CDH4: variants seen among roughly 807,000 people sequenced by gnomAD.
CDH4 encodes the protein cadherin-4.
In CDH4, 33 loss-of-function variants were observed where a neutral mutation model predicts 86.0. The observed-to-expected ratio is 0.38, with a 90% CI of 0.29 to 0.51. The LOEUF is 0.51. CDH4 is among the 20% of genes least tolerant of loss of function. The pLI is 0.86. For synonymous variants in CDH4, 555 were observed against 549.4 expected, an observed-to-expected ratio of 1.01 and a Z score of -0.14; for missense variants, 1,114 against 1,307.4, an observed-to-expected ratio of 0.85 and a Z score of 2.28.
chr20:61,843,318 C>T (rs1302261344), intron 4 of CDH4, among the ~76,000 whole-genome samples: 3 of 151,408 alleles, frequency 2.0e-5, no homozygotes, highest in Non-Finnish European at 2.9e-5. Flanking sequence ...GGCGCGGTGG[C>T]GGGCGCCTGT....
chr20:61,641,213 A>G (rs28698108), intron 2 of CDH4, among the ~76,000 whole-genome samples: 94,384 of 151,682 alleles, frequency 0.62, 29,799 homozygotes, highest in African/African-American at 0.73. Context: ...CGATGTAGCT[A>G]TGTGCCAGTG....
chr20:61,852,707 TG>T, intron 5 of CDH4, 46 bp from the exon 6 acceptor site: 3 of 1,584,626 alleles, frequency 1.9e-6, no homozygotes, highest in East Asian at 2.3e-5. Context: ...CTCAGCTGAG[TG>T]GGGGTGCCCA....
chr20:61,892,142 C>T (rs1984852267), intron 7 of CDH4, among the ~76,000 whole-genome samples: 1 of 152,234 alleles, frequency 6.6e-6, no homozygotes, highest in South Asian at 2.1e-4. Flanking sequence ...TGCGCAGATT[C>T]AGCCCACAGG....
intron 2 of CDH4, among the ~76,000 whole-genome samples, chr20:61,323,723 G>T (rs1048126717): frequency 6.6e-6 from 1 of 152,158 alleles, no homozygotes; most frequent in Non-Finnish European, 1.5e-5. Context: ...CTGTGGCTAT[G>T]CAGGAACACT....
intron 2 of CDH4, among the ~76,000 whole-genome samples, chr20:61,707,140 G>A (rs973773887): frequency 9.9e-5 from 15 of 152,240 alleles, no homozygotes; most frequent in Non-Finnish European, 1.3e-4. Flanking sequence ...ACAGAGTGCC[G>A]GGGTCCCCAT....
At chr20:61,721,251 A>G (rs1003342062) in intron 2 of CDH4, among the ~76,000 whole-genome samples, 4 of 152,240 alleles carry the variant, frequency 2.6e-5, no homozygotes, top group Admixed American at 6.5e-5. Context: ...AGGAAAGCCC[A>G]GAGCTTTCTT....
At position 61,910,435 on chromosome 20, in the gene CDH4, T is replaced by C. The variant is rs765357196; in HGVS notation, c.1202T>C (p.Val401Ala). Residue 401 changes from valine to alanine, a missense_variant, in exon 9 of 16, where the codon GTC becomes GCC. By Grantham distance (64) the Val-to-Ala change is moderately conservative (BLOSUM62 0). Transcript: ENST00000614565. ...EFTASTFAGEVPENRVETVVA... is the reference protein window; with the variant it reads ...EFTASTFAGEAPENRVETVVA... ...TCCATTTTGCAGTTTGCAGGGGAGG[T>C]CCCCGAAAACCGCGTGGAGACCGTG... is the stretch of plus-strand genomic sequence containing the variant. The C allele has an allele frequency of 1.2e-6, 2 of 1,612,736 alleles. No homozygotes were observed. The highest frequency in any genetic ancestry group is 1.1e-5 in the South Asian group (1 of 91,056).
chr20:61,628,428 CTCATTCAT>C (rs144320103), intron 2 of CDH4, among the ~76,000 whole-genome samples: 18 of 152,208 alleles, frequency 1.2e-4, no homozygotes, highest in East Asian at 5.8e-4. Context: ...GGTTTGCCAG[CTCATTCAT>C]TCATTCATTC....
At chr20:61,449,613 A>G (rs947287554) in intron 2 of CDH4, among the ~76,000 whole-genome samples, 4 of 152,198 alleles carry the variant, frequency 2.6e-5, no homozygotes, top group African/African-American at 9.7e-5. Flanking sequence ...AGATCATTTT[A>G]ACAGTAGTGT....
chr20:61,641,991 G>A (rs574133257), intron 2 of CDH4, among the ~76,000 whole-genome samples: 8 of 22,704 alleles, frequency 3.5e-4, no homozygotes, highest in Non-Finnish European at 7.4e-4. Context: ...GGGATCAGAC[G>A]GGGCTGCCTG....
At chr20:61,796,847 A>T (rs1050887911) in intron 4 of CDH4, among the ~76,000 whole-genome samples, 41 of 152,216 alleles carry the variant, frequency 2.7e-4, no homozygotes, top group Admixed American at 2.4e-3. Flanking sequence ...CCGAGCAGAA[A>T]CCGTTTCCAG....
intron 7 of CDH4, among the ~76,000 whole-genome samples, chr20:61,894,344 C>T (rs148243339): frequency 2.8e-4 from 43 of 152,318 alleles, no homozygotes; most frequent in African/African-American, 9.6e-4. Flanking sequence ...CTCACACCTG[C>T]GCCTGCACGG....
At position 61,713,705 on chromosome 20, in the gene CDH4, G is replaced by T. The variant is rs558175343; in HGVS notation, c.170-29858G>T. On this transcript the variant is annotated intron_variant, in intron 2 of 15. Coordinates refer to ENST00000614565, the MANE Select transcript of CDH4 (RefSeq NM_001794.5). ...GCCCTGCTGTATCATATGAGCCTCC[G>T]TTTCCCCATGTGAGCAGCGAGGGAG... Among the ~76,000 whole-genome samples the T allele has an allele frequency of 4.6e-5, 7 of 152,336 alleles. No individual in the cohort carries two copies. In the East Asian group the frequency reaches 1.4e-3, roughly 29 times the overall value.
rs554874952 is a variant in CDH4, at chr20:61,608,442, A to G, written c.170-135121A>G. Among the ~76,000 whole-genome samples, 11 of 152,324 alleles carry G rather than the reference A, an allele frequency of 7.2e-5. No homozygotes were observed. The East Asian group carries it at 1.9e-3, about 27-fold the overall frequency. On this transcript the variant is annotated intron_variant, in intron 2 of 15. Coordinates refer to ENST00000614565, the MANE Select transcript of CDH4 (RefSeq NM_001794.5). ...ACTGCTACGACCCCAGCACGTGTCC[A>G]GCAGCACCTGGCCCTGCAGCCTAGA... is the stretch of plus-strand genomic sequence containing the variant.
intron 2 of CDH4, among the ~76,000 whole-genome samples, chr20:61,317,069 C>G (rs2084480611): frequency 1.3e-5 from 2 of 150,418 alleles, no homozygotes; most frequent in South Asian, 4.2e-4. Context: ...ATTTAGAAAT[C>G]TGAATACCAT....
intron 2 of CDH4, among the ~76,000 whole-genome samples, chr20:61,560,644 C>T (rs577906596): frequency 1.3e-5 from 2 of 152,350 alleles, no homozygotes; most frequent in African/African-American, 4.8e-5. Context: ...GGGGCCCTGG[C>T]GAGGGCTGAG....
intron 2 of CDH4, among the ~76,000 whole-genome samples, chr20:61,334,415 T>C (rs2084605654): frequency 6.6e-6 from 1 of 152,148 alleles, no homozygotes; most frequent in Non-Finnish European, 1.5e-5. Context: ...TGGTCTCTTC[T>C]AGTCTGTTGG....
At chr20:61,457,949 G>A (rs1392796043) in intron 2 of CDH4, among the ~76,000 whole-genome samples, 1 of 149,818 alleles carries the variant, frequency 6.7e-6, no homozygotes, top group East Asian at 2.0e-4. Context: ...GGTGGTAATA[G>A]TGGTGATGGT....
intron 2 of CDH4, among the ~76,000 whole-genome samples, chr20:61,580,457 A>AAAAAT (rs140265674): frequency 1.3e-5 from 2 of 151,954 alleles, no homozygotes; most frequent in Admixed American, 6.6e-5. Flanking sequence ...CTCCATCTCA[A>AAAAAT]AAAATAAAAT....
Sources: allele counts gnomAD v4.1 joint callset (sites outside exome capture counted in the v4.1 genomes callset), GRCh38; gene constraint gnomAD v4.1.1; transcripts MANE v1.5; gene names NCBI Gene and HGNC (gene_info 2026-07-23, HGNC 2026-07-21).